The following SV2C variants were observed in gnomAD, a reference collection of about 807,000 sequenced individuals.
The protein encoded by SV2C is solute carrier family 22 member B3.
In SV2C, 49 loss-of-function variants were observed where a neutral mutation model predicts 79.7. The ratio of observed to expected loss-of-function variants is 0.61; its 90% confidence interval spans 0.49 to 0.78. The LOEUF (loss-of-function observed/expected upper bound fraction) is 0.78. SV2C is among the 30% of genes least tolerant of loss of function. SV2C has a pLI of 0.00. For missense variants in SV2C, 833 were observed against 912.9 expected (o/e 0.91, Z 1.13); for synonymous variants, 334 against 333.2 (o/e 1.00, Z -0.03).
At chr5:76,296,061 A>T (rs972691971) in intron 9 of SV2C, 119 bp downstream of exon 9, 2 of 961,202 alleles carry the variant, frequency 2.1e-6, no homozygotes, top group Admixed American at 3.1e-5. Context: ...TTGTACATTT[A>T]GTCATTTTCA....
intron 2 of SV2C, among the ~76,000 whole-genome samples, chr5:76,155,603 C>G (rs1403941832): frequency 1.3e-5 from 2 of 152,082 alleles, no homozygotes; most frequent in African/African-American, 4.8e-5. Flanking sequence ...CAGCCTCCAC[C>G]CATAGGACAG....
the SV2C span, among the ~76,000 whole-genome samples, chr5:75,944,542 G>A: frequency 6.6e-6 from 1 of 152,078 alleles, no homozygotes; most frequent in South Asian, 2.1e-4. Flanking sequence ...TGAGGACTGT[G>A]ACAAGCAAAC....
At chr5:75,904,400 C>CAGAG in the SV2C span, among the ~76,000 whole-genome samples, 3,051 of 138,782 alleles carry the variant, frequency 0.022, 92 homozygotes, top group African/African-American at 0.072. Flanking sequence ...AAAACAAACC[C>CAGAG]AGAGAGAGAG....
At chr5:76,277,016 C>T (rs1172332412) in intron 4 of SV2C, among the ~76,000 whole-genome samples, 1 of 152,100 alleles carries the variant, frequency 6.6e-6, no homozygotes, top group African/African-American at 2.4e-5. Flanking sequence ...TATCACTAGG[C>T]ATTAGGGAAA....
the SV2C span, among the ~76,000 whole-genome samples, chr5:75,988,568 A>G: frequency 6.6e-6 from 1 of 151,940 alleles, no homozygotes. Context: ...CTTTGACAGT[A>G]TAAGTAAAAG....
the SV2C span, among the ~76,000 whole-genome samples, chr5:75,939,541 G>A: frequency 6.6e-6 from 1 of 152,048 alleles, no homozygotes; most frequent in Non-Finnish European, 1.5e-5. Context: ...TTGCGGGGTA[G>A]GGGGACACAA....
the SV2C span, among the ~76,000 whole-genome samples, chr5:76,067,669 T>C: frequency 2.0e-5 from 3 of 152,070 alleles, no homozygotes; most frequent in African/African-American, 7.2e-5. Flanking sequence ...AATCTATACA[T>C]TGACTTTGGA....
intron 6 of SV2C, among the ~76,000 whole-genome samples, chr5:76,288,157 A>T (rs892936451): frequency 2.0e-5 from 3 of 152,230 alleles, no homozygotes; most frequent in Admixed American, 6.5e-5. Flanking sequence ...GTAAGACATA[A>T]GTGGGAACCT....
chr5:76,022,441 A>G, the SV2C span, among the ~76,000 whole-genome samples: 3 of 152,218 alleles, frequency 2.0e-5, no homozygotes, highest in Non-Finnish European at 4.4e-5. Context: ...TTCACCTGCT[A>G]AGCCTATCCC....
the SV2C span, among the ~76,000 whole-genome samples, chr5:75,979,851 A>G: frequency 3.3e-5 from 5 of 152,230 alleles, no homozygotes; most frequent in Non-Finnish European, 7.3e-5. Context: ...TCCCAAAGCT[A>G]GCAGAAGACA....
the SV2C span, among the ~76,000 whole-genome samples, chr5:75,881,873 G>A: frequency 2.7e-5 from 4 of 146,738 alleles, no homozygotes; most frequent in South Asian, 2.1e-4. Flanking sequence ...CCTGTCTTGT[G>A]CCAGTTTTCA....
chr5:76,264,657 T>TC (rs781559306), intron 4 of SV2C, among the ~76,000 whole-genome samples: 22 of 152,322 alleles, frequency 1.4e-4, no homozygotes, highest in Admixed American at 9.8e-4. Flanking sequence ...GTTACTGCTG[T>TC]CTGTTTGTTA....
the SV2C span, among the ~76,000 whole-genome samples, chr5:76,060,940 T>G: frequency 5.9e-5 from 9 of 152,066 alleles, no homozygotes; most frequent in Non-Finnish European, 1.0e-4. Flanking sequence ...TTGACCTAAT[T>G]TCAATATTTT....
chr5:75,879,089 G>A, the SV2C span, among the ~76,000 whole-genome samples: 5 of 152,152 alleles, frequency 3.3e-5, no homozygotes, highest in East Asian at 1.9e-4. Context: ...AGGGTATGGC[G>A]CTAAGGCATT....
At chr5:76,300,180 T>A (rs1234854931) in intron 10 of SV2C, among the ~76,000 whole-genome samples, 1 of 148,288 alleles carries the variant, frequency 6.7e-6, no homozygotes, top group Admixed American at 6.8e-5. Flanking sequence ...TTATTATTAT[T>A]ATTATTATTA....
intron 4 of SV2C, among the ~76,000 whole-genome samples, chr5:76,276,850 T>A (rs969156915): frequency 6.6e-6 from 1 of 152,082 alleles, no homozygotes; most frequent in Admixed American, 6.5e-5. Context: ...ATTACAGGTG[T>A]GAGCCAACAC....
intron 4 of SV2C, among the ~76,000 whole-genome samples, chr5:76,231,849 T>C (rs1745433380): frequency 6.8e-6 from 1 of 146,262 alleles, no homozygotes; most frequent in African/African-American, 2.8e-5. Flanking sequence ...GTTGGACATT[T>C]GGGTTGGTTC....
chr5:76,046,585 A>G, the SV2C span, among the ~76,000 whole-genome samples: 2 of 152,242 alleles, frequency 1.3e-5, no homozygotes, highest in Admixed American at 1.3e-4. Context: ...GAATTTATTT[A>G]CTAAAAGCCA....
intron 4 of SV2C, among the ~76,000 whole-genome samples, chr5:76,258,766 A>C (rs1746376212): frequency 1.3e-5 from 2 of 152,188 alleles, no homozygotes; most frequent in Admixed American, 6.5e-5. Flanking sequence ...CACCCATGTA[A>C]CCACCACCCA....
Sources: gnomAD v4.1 joint callset for allele counts (sites outside exome capture counted in the v4.1 genomes callset) on GRCh38, gnomAD v4.1.1 for gene constraint, MANE v1.5 for transcripts, NCBI Gene and HGNC (gene_info 2026-07-23, HGNC 2026-07-21) for gene names.